The following JMJD1C variants were observed in gnomAD, a reference collection of about 807,000 sequenced individuals.
JMJD1C encodes the protein jumonji domain containing 1C, also known as jumonji domain-containing protein 1C.
In JMJD1C, 31 loss-of-function variants were observed where a neutral mutation model predicts 245.3. The ratio of observed to expected loss-of-function variants is 0.13; its 90% CI spans 0.09 to 0.17. The LOEUF (loss-of-function observed/expected upper bound fraction) is 0.17. Among genes scored for constraint, JMJD1C ranks in the 10% least tolerant of loss-of-function variants. The pLI, the probability that JMJD1C is intolerant of heterozygous loss-of-function variation, is 1.00. For synonymous variants in JMJD1C, 1,057 were observed against 1,017.4 expected, an observed-to-expected ratio of 1.04 and a Z score of -0.74; for missense variants, 2,691 against 3,000.2, an observed-to-expected ratio of 0.90 and a Z score of 2.41.
At chr10:63,413,869 C>T (rs1170627037) in intron 1 of JMJD1C, among the ~76,000 whole-genome samples, 1 of 151,854 alleles carries the variant, frequency 6.6e-6, no homozygotes, top group Non-Finnish European at 1.5e-5. Context: ...TAAAAGGTTC[C>T]TTGATTCTAT....
intron 3 of JMJD1C, among the ~76,000 whole-genome samples, chr10:63,241,839 A>C (rs1279445105): frequency 1.3e-5 from 2 of 152,220 alleles, no homozygotes; most frequent in Non-Finnish European, 2.9e-5. Context: ...CTGTACCCTA[A>C]ATACCTAAAG....
rs781664751 is a variant in JMJD1C at position 63,208,329 on chromosome 10, C to G, written c.3340G>C (p.Val1114Leu). The change falls in exon 10 of 26, where the codon GTT (valine) becomes CTT (leucine). Residue 1114 changes from valine to leucine, a missense_variant. By Grantham distance (32) the Val-to-Leu change is conservative (BLOSUM62 1). Transcript: ENST00000399262. ...TGTTTATCACCGTAAATATTTGAAA[C>G]TTCTTTGGATGGGTATGATCTTGGT... ...EPPRSYPSKE[V>L]SNIYGDKQSN... 6.2e-7 allele frequency: 1 copy of G among 1,614,060 alleles called. No homozygotes were observed. The highest frequency in any genetic ancestry group is 2.2e-5 in the East Asian group (1 of 44,866).
intron 1 of JMJD1C, among the ~76,000 whole-genome samples, chr10:63,446,136 G>A (rs1443899328): frequency 6.6e-6 from 1 of 151,844 alleles, no homozygotes; most frequent in African/African-American, 2.4e-5. Flanking sequence ...TGGCCTCCCC[G>A]AGTGCTGAGA....
intron 2 of JMJD1C, among the ~76,000 whole-genome samples, chr10:63,349,764 ATTTT>A (rs1265880959): frequency 2.0e-5 from 3 of 152,318 alleles, no homozygotes; most frequent in African/African-American, 7.2e-5. Context: ...AACACCTAGT[ATTTT>A]CCAGAAGCGC....
chr10:63,366,839 CAATA>C (rs1249395354), intron 2 of JMJD1C, among the ~76,000 whole-genome samples: 1 of 152,104 alleles, frequency 6.6e-6, no homozygotes, highest in African/African-American at 2.4e-5. Context: ...GTTACATAAA[CAATA>C]AATAAAGTTA....
intron 2 of JMJD1C, among the ~76,000 whole-genome samples, chr10:63,272,409 G>A (rs1246863319): frequency 6.6e-6 from 1 of 151,918 alleles, no homozygotes. Flanking sequence ...ACGCCACCAC[G>A]CCCAGCTAAT....
intron 1 of JMJD1C, among the ~76,000 whole-genome samples, chr10:63,515,791 T>C (rs1954999156): frequency 6.6e-6 from 1 of 152,246 alleles, no homozygotes; most frequent in South Asian, 2.1e-4. Context: ...TCTTCAGAGA[T>C]TACTTCTTAA....
intron 3 of JMJD1C, among the ~76,000 whole-genome samples, chr10:63,236,420 A>G (rs896090098): frequency 1.3e-5 from 2 of 152,238 alleles, no homozygotes; most frequent in African/African-American, 2.4e-5. Flanking sequence ...TTTCTTCTAA[A>G]GCCACATGTT....
intron 1 of JMJD1C, among the ~76,000 whole-genome samples, chr10:63,445,363 C>A: frequency 6.6e-6 from 1 of 152,122 alleles, no homozygotes; most frequent in East Asian, 1.9e-4. Flanking sequence ...AATGAGCAAG[C>A]ATGTTAACAT....
intron 2 of JMJD1C, among the ~76,000 whole-genome samples, chr10:63,293,440 C>T (rs1859013664): frequency 6.6e-6 from 1 of 152,222 alleles, no homozygotes; most frequent in Admixed American, 6.5e-5. Context: ...TTACTTACCA[C>T]TTACATTCAC....
intron 3 of JMJD1C, 27 bp downstream of exon 3, chr10:63,264,624 T>A (rs1408146935): frequency 2.0e-6 from 2 of 1,006,432 alleles, no homozygotes; most frequent in Non-Finnish European, 3.0e-6. Context: ...AACCTTTAAT[T>A]TTAAAAAGTA....
intron 3 of JMJD1C, among the ~76,000 whole-genome samples, chr10:63,237,679 G>C (rs1850904156): frequency 6.6e-6 from 1 of 152,082 alleles, no homozygotes; most frequent in Admixed American, 6.6e-5. Flanking sequence ...AAGTGTTTCA[G>C]ATTTCAGATT....
chr10:63,309,225 G>C (rs1342785756), intron 2 of JMJD1C, among the ~76,000 whole-genome samples: 1 of 152,074 alleles, frequency 6.6e-6, no homozygotes, highest in Non-Finnish European at 1.5e-5. Flanking sequence ...GGGCACGGGG[G>C]CTCATGCCTG....
chr10:63,176,760 C>A, intron 23 of JMJD1C: 1 of 266,512 alleles, frequency 3.8e-6, no homozygotes, highest in Non-Finnish European at 7.1e-6. Context: ...TTCCTTATAA[C>A]TGTTTCAAAA....
intron 2 of JMJD1C, among the ~76,000 whole-genome samples, chr10:63,334,008 A>G (rs1942437790): frequency 6.6e-6 from 1 of 152,156 alleles, no homozygotes; most frequent in Admixed American, 6.6e-5. Flanking sequence ...TATACTGATA[A>G]AAAGAAAGTA....
chr10:63,360,768 C>G (rs1945257029), intron 2 of JMJD1C, among the ~76,000 whole-genome samples: 1 of 151,486 alleles, frequency 6.6e-6, no homozygotes, highest in Admixed American at 6.6e-5. Flanking sequence ...ATATTTAAAC[C>G]TGATTTTAAA....
intron 1 of JMJD1C, among the ~76,000 whole-genome samples, chr10:63,416,381 CTG>C (rs1283451237): frequency 2.0e-5 from 3 of 151,152 alleles, no homozygotes. Context: ...TAAAAGTCAG[CTG>C]AATTGCAATC....
At chr10:63,464,994 G>C (rs1464095974) in intron 1 of JMJD1C, among the ~76,000 whole-genome samples, 3 of 152,210 alleles carry the variant, frequency 2.0e-5, no homozygotes, top group South Asian at 2.1e-4. Flanking sequence ...CGGACTGTGT[G>C]GGAAGGTCTC....
chr10:63,402,435 A>T (rs992409082), intron 1 of JMJD1C, among the ~76,000 whole-genome samples: 1 of 152,184 alleles, frequency 6.6e-6, no homozygotes, highest in Non-Finnish European at 1.5e-5. Flanking sequence ...GCAGAAGCTT[A>T]ATACCTGATG....
Sources: gnomAD v4.1 joint callset for allele counts (sites outside exome capture counted in the v4.1 genomes callset) on GRCh38, gnomAD v4.1.1 for gene constraint, MANE v1.5 for transcripts, NCBI Gene and HGNC (gene_info 2026-07-23, HGNC 2026-07-21) for gene names.